MREG: variants seen among roughly 807,000 people sequenced by gnomAD.
MREG encodes melanoregulin.
A neutral mutation model predicts 28.5 loss-of-function variants in MREG; 31 were observed. That is an observed-to-expected ratio of 1.09 (90% confidence interval 0.82 to 1.47). The LOEUF (loss-of-function observed/expected upper bound fraction) is 1.47. Among genes scored for constraint, MREG ranks in the 40% most tolerant of loss-of-function variants. The pLI, the probability that MREG is intolerant of heterozygous loss-of-function variation, is 0.00. For synonymous variants in MREG, 106 were observed against 95.2 expected (o/e 1.11, Z -0.66); for missense variants, 256 against 257.4 (o/e 0.99, Z 0.04).
intron 2 of MREG, among the ~76,000 whole-genome samples, chr2:215,994,436 T>C (rs978118474): frequency 3.3e-5 from 5 of 151,590 alleles, no homozygotes; most frequent in African/African-American, 4.9e-5. Context: ...AGGGGAGGGA[T>C]GGCATTCGGA....
chr2:216,019,427 C>T (rs536314706), intron 1 of MREG, among the ~76,000 whole-genome samples: 7 of 152,098 alleles, frequency 4.6e-5, no homozygotes, highest in Admixed American at 1.3e-4. Context: ...TGAAGAGAAA[C>T]AGACACTATC....
chr2:215,987,612 G>A (rs1216981186), intron 2 of MREG, among the ~76,000 whole-genome samples: 1 of 152,152 alleles, frequency 6.6e-6, no homozygotes, highest in East Asian at 1.9e-4. Context: ...AGGGCGCAGT[G>A]GCTCACATCT....
chr2:216,030,942 TCTCTCTCTCTCTCTCACACACA>T (rs1334420828), intron 1 of MREG, among the ~76,000 whole-genome samples: 106 of 61,306 alleles, frequency 1.7e-3, no homozygotes, highest in African/African-American at 4.2e-3. Flanking sequence ...TCTCTCTCTC[TCTCTCTCTCTCTCTCACACACA>T]CACACACACA....
Position 216,025,902 on chromosome 2 carries a change from C to T in MREG, c.-68+6887G>A, listed in dbSNP as rs561288780. Among the ~76,000 whole-genome samples, 24 of 152,326 alleles carry T rather than the reference C, an allele frequency of 1.6e-4. No homozygotes were observed. The South Asian group carries it at 3.9e-3, about 25-fold the overall frequency. On this transcript the variant is annotated intron_variant, in intron 1 of 3. Transcript: ENST00000420348. ...GAATTCTTTTATCAGATTTCTTTAACATAAGATGAAGTCCTCCAGGCATGA... is the reference window on the plus strand; with the variant it reads ...GAATTCTTTTATCAGATTTCTTTAATATAAGATGAAGTCCTCCAGGCATGA...
chr2:215,943,655 C>G lies in MREG; in HGVS notation c.*1208G>C, dbSNP rs960209567. The G allele has an allele frequency of 2.8e-6, 1 of 361,010 alleles. No individual in the cohort carries two copies. Among genetic ancestry groups the G allele is most frequent in the Non-Finnish European group, 5.5e-6 (1 of 183,046 alleles). The allele number at this position is 361,010 out of a possible 1,614,324, so 22.4% of individuals were successfully genotyped here. On this transcript the variant is annotated 3_prime_UTR_variant, in exon 5 of 5. Transcript: ENST00000263268. ...AGGAGATCGAGACCATCGTGGCTAACATGGTGAAACCCCGTCTCTACTAAA... is the reference window on the plus strand; with the variant it reads ...AGGAGATCGAGACCATCGTGGCTAAGATGGTGAAACCCCGTCTCTACTAAA...
chr2:216,005,205 A>G (rs1285652550), intron 1 of MREG, among the ~76,000 whole-genome samples: 1 of 152,206 alleles, frequency 6.6e-6, no homozygotes, highest in East Asian at 1.9e-4. Context: ...ACAAGGCTAC[A>G]TACAACAACA....
chr2:216,003,345 G>T (rs1694067574), intron 1 of MREG, among the ~76,000 whole-genome samples: 1 of 152,078 alleles, frequency 6.6e-6, no homozygotes, highest in South Asian at 2.1e-4. Flanking sequence ...CCCATATGAT[G>T]CTGCTTCACA....
In MREG at chr2:215,947,079, A is replaced by T; in HGVS notation, c.290T>A (p.Leu97Gln). The T allele has an allele frequency of 6.2e-7, 1 of 1,613,208 alleles. No individual in the cohort carries two copies. Among genetic ancestry groups the T allele is most frequent in the Non-Finnish European group, 8.5e-7 (1 of 1,179,308 alleles). Residue 97 changes from leucine to glutamine, a missense_variant, in exon 3 of 5, where the codon CTG becomes CAG. Coordinates refer to ENST00000263268, the MANE Select transcript of MREG (RefSeq NM_018000.3). ...TCTTACTTCCCTTCGAACCTGCCGC[A>T]GGGTATGGATATCATAGTTGAGCTT... ...WQKLNYDIHT[L>Q]RQVRREVRNR...
chr2:215,974,907 C>A (rs115457703), intron 2 of MREG, among the ~76,000 whole-genome samples: 3 of 150,794 alleles, frequency 2.0e-5, no homozygotes, highest in African/African-American at 7.3e-5. Flanking sequence ...CTCCAGCACA[C>A]CCACAGTAAA....
chr2:216,022,590 C>T (rs1694540771), intron 1 of MREG, among the ~76,000 whole-genome samples: 2 of 152,218 alleles, frequency 1.3e-5, no homozygotes, highest in African/African-American at 4.8e-5. Context: ...CCTGCCATAA[C>T]AAACACTTTC....
At chr2:215,965,010 G>C (rs1400618660) in intron 2 of MREG, among the ~76,000 whole-genome samples, 1 of 152,152 alleles carries the variant, frequency 6.6e-6, no homozygotes, top group African/African-American at 2.4e-5. Flanking sequence ...TTTCCACAAT[G>C]CTCACATACT....
chr2:216,031,579 GAAAGAAGGAAAGA>G (rs941832327), intron 1 of MREG, among the ~76,000 whole-genome samples: 6 of 137,122 alleles, frequency 4.4e-5, no homozygotes, highest in Admixed American at 1.5e-4. Context: ...AGGAAGGAAA[GAAAGAAGGAAAGA>G]AAAGAAGGAA....
intron 1 of MREG, among the ~76,000 whole-genome samples, chr2:216,007,577 G>A (rs1321135302): frequency 6.6e-6 from 1 of 151,998 alleles, no homozygotes; most frequent in Non-Finnish European, 1.5e-5. Context: ...TTACAGGCAT[G>A]TGCCACCACG....
At chr2:216,023,635 GA>G (rs1235852355) in intron 1 of MREG, among the ~76,000 whole-genome samples, 1 of 152,080 alleles carries the variant, frequency 6.6e-6, no homozygotes, top group Admixed American at 6.6e-5. Flanking sequence ...CAATTTAAAT[GA>G]AGCATTAAAA....
At chr2:215,959,735 T>C (rs988079413) in intron 2 of MREG, among the ~76,000 whole-genome samples, 2 of 152,206 alleles carry the variant, frequency 1.3e-5, no homozygotes, top group Non-Finnish European at 2.9e-5. Context: ...AACACCACTC[T>C]ATCCTCCGGC....
At chr2:215,994,449 A>C (rs1475076406) in intron 2 of MREG, among the ~76,000 whole-genome samples, 1 of 151,768 alleles carries the variant, frequency 6.6e-6, no homozygotes, top group Non-Finnish European at 1.5e-5. Context: ...CATTCGGAGA[A>C]ATACCTATTG....
chr2:215,959,678 G>A (rs1692726089), intron 2 of MREG, among the ~76,000 whole-genome samples: 1 of 152,154 alleles, frequency 6.6e-6, no homozygotes, highest in South Asian at 2.1e-4. Flanking sequence ...TTCTGGTCTT[G>A]TTCCCAATGA....
At chr2:215,962,371 AG>A (rs1692814928) in intron 2 of MREG, among the ~76,000 whole-genome samples, 2 of 152,218 alleles carry the variant, frequency 1.3e-5, no homozygotes, top group South Asian at 4.1e-4. Context: ...AGCAAAACTC[AG>A]GATGAGATTT....
At chr2:215,956,799 C>T (rs1296256809) in intron 2 of MREG, among the ~76,000 whole-genome samples, 3 of 152,182 alleles carry the variant, frequency 2.0e-5, no homozygotes, top group African/African-American at 7.2e-5. Flanking sequence ...CTTGGCCTCC[C>T]AAAGTGTTGG....
Sources: gnomAD v4.1 joint callset for allele counts (sites outside exome capture counted in the v4.1 genomes callset) on GRCh38, gnomAD v4.1.1 for gene constraint, MANE v1.5 for transcripts, NCBI Gene and HGNC (gene_info 2026-07-23, HGNC 2026-07-21) for gene names.